The following WNT9A variants were observed in gnomAD, a reference collection of about 807,000 sequenced individuals.
WNT9A encodes Wnt family member 9A.
In WNT9A, 8 loss-of-function variants were observed where a neutral mutation model predicts 31.4. The ratio of observed to expected loss-of-function variants is 0.26; its 90% confidence interval spans 0.15 to 0.46. The LOEUF (loss-of-function observed/expected upper bound fraction) is 0.46, where lower values mean the gene tolerates loss of function less well. Ranked by LOEUF, WNT9A falls within the 20% of genes least tolerant of loss-of-function variation. The probability of loss-of-function intolerance (pLI) is 0.99; values close to 1 mark genes in which losing one functional copy is unlikely to be tolerated. For synonymous variants in WNT9A, 236 were observed against 220.1 expected (o/e 1.07, Z -0.64); for missense variants, 457 against 522.9 (o/e 0.87, Z 1.23).
In WNT9A at chr1:227,942,168, G is replaced by T. The variant is rs1301420046; in HGVS notation, c.95+5625C>A. On this transcript the variant is annotated intron_variant, in intron 1 of 3. Transcript: ENST00000272164. This position sits in a 1 kb window ranked among gnomAD's most constrained non-coding sequence, Gnocchi z 5.7. Reference sequence around the variant, plus strand: ...CTGCAGCAGGGCGGGAGCAAGATGAGGCCAGCTGTCTCCCCAACCAGACGT... The same window carrying T: ...CTGCAGCAGGGCGGGAGCAAGATGATGCCAGCTGTCTCCCCAACCAGACGT... Among the ~76,000 whole-genome samples the T allele has an allele frequency of 6.6e-6, 1 of 152,152 alleles. No homozygotes were observed. Among genetic ancestry groups the T allele is most frequent in the Non-Finnish European group, 1.5e-5 (1 of 68,012 alleles).
chr1:227,944,236 C>T (rs1043850878), intron 1 of WNT9A, among the ~76,000 whole-genome samples: 2 of 152,124 alleles, frequency 1.3e-5, no homozygotes, highest in African/African-American at 4.8e-5. Context: ...CGTGCTACAA[C>T]GGTGATGCTG....
Position 227,926,557 on chromosome 1 carries a change from C to T in WNT9A, c.96-1038G>A, listed in dbSNP as rs1224179262. Among the ~76,000 whole-genome samples the T allele has an allele frequency of 2.6e-5, 4 of 152,266 alleles. No homozygotes were observed. In the East Asian group the frequency reaches 7.8e-4, roughly 30 times the overall value. ...GCAGCTCTGTGTCAGACCTGCCAGC[C>T]CAGTGTCCCCACATGGGTGGACTGA... On this transcript the variant is annotated intron_variant, in intron 1 of 3. Coordinates refer to ENST00000272164, the MANE Select transcript of WNT9A (RefSeq NM_003395.4). The surrounding 1 kb of genome is among the most constrained non-coding windows in gnomAD (Gnocchi z 5.0).
rs1012729366 is a variant in WNT9A at position 227,925,196 on chromosome 1, G to A, written c.352+67C>T. 48 of 1,445,430 alleles carry A rather than the reference G, an allele frequency of 3.3e-5. No individual in the cohort carries two copies. The Admixed American group carries it at 6.7e-4, about 20-fold the overall frequency. 89.5% of individuals were successfully genotyped at this position (1,445,430 alleles called of 1,614,324 possible). A position where few individuals can be genotyped will look rare whatever the true frequency, so the allele number is the denominator to read the frequency against. On this transcript the variant is annotated intron_variant, in intron 2 of 3. Transcript: ENST00000272164. The surrounding 1 kb of genome is among the most constrained non-coding windows in gnomAD (Gnocchi z 6.0). The stretch of plus-strand genomic sequence containing the variant: ...GCGCAGCCTAAGAGGGGCCTCTTGG[G>A]ATATGGACAAGGCCTGGGCTGCCAC...
intron 2 of WNT9A, 117 bp from the exon 3 acceptor site, chr1:227,924,517 C>G: frequency 7.1e-7 from 1 of 1,408,166 alleles, no homozygotes; most frequent in East Asian, 2.5e-5. Flanking sequence ...GAGCATCTTT[C>G]CTGGTGCTGC....
chr1:227,930,921 C>T (rs1462945171), intron 1 of WNT9A, among the ~76,000 whole-genome samples: 2 of 152,000 alleles, frequency 1.3e-5, no homozygotes, highest in African/African-American at 4.8e-5. Context: ...CTCGCTTGAA[C>T]CCGGGAGGCA....
chr1:227,923,459 T>C lies in WNT9A; in HGVS notation c.615+679A>G, dbSNP rs117375444. The stretch of plus-strand genomic sequence containing the variant: ...CATGTGGACCTGGGCACTGACAGGC[T>C]GCAGGTAGCATGAAGGATGACCAGA... On this transcript the variant is annotated intron_variant, in intron 3 of 3. Coordinates refer to ENST00000272164, the MANE Select transcript of WNT9A (RefSeq NM_003395.4). Among the ~76,000 whole-genome samples, 674 of 152,276 alleles carry C rather than the reference T, an allele frequency of 4.4e-3. 18 individuals carry two copies. The highest frequency in any genetic ancestry group is 0.039 in the East Asian group (203 of 5,172).
At chr1:227,935,808 T>C (rs1240395715) in intron 1 of WNT9A, among the ~76,000 whole-genome samples, 3 of 152,238 alleles carry the variant, frequency 2.0e-5, no homozygotes, top group Non-Finnish European at 2.9e-5. Flanking sequence ...TTTTTTGTAA[T>C]TTCCACAGTC....
In WNT9A at chr1:227,925,663, G is replaced by A; in HGVS notation, c.96-144C>T. The A allele has an allele frequency of 1.5e-6, 2 of 1,318,870 alleles. No individual in the cohort carries two copies. Among genetic ancestry groups the A allele is most frequent in the Non-Finnish European group, 2.0e-6 (2 of 999,072 alleles). The allele number at this position is 1,318,870 out of a possible 1,614,324, so 81.7% of individuals were successfully genotyped here. On this transcript the variant is annotated intron_variant, in intron 1 of 3. Transcript: ENST00000272164. The surrounding 1 kb of genome is among the most constrained non-coding windows in gnomAD (Gnocchi z 6.0). ...AAAGAATCCAGGATGAGCCAGGCAG[G>A]GGAGAGGGAGGCGAGAAGGGCCTTG...
intron 3 of WNT9A, 29 bp from the exon 4 acceptor site, chr1:227,922,029 G>A: frequency 6.3e-7 from 1 of 1,575,016 alleles, no homozygotes; most frequent in Non-Finnish European, 8.6e-7. Flanking sequence ...AGGGAGGGCA[G>A]TGTGAGGGCT....
chr1:227,940,048 C>T (rs1479363699), intron 1 of WNT9A, among the ~76,000 whole-genome samples: 1 of 152,202 alleles, frequency 6.6e-6, no homozygotes, highest in Non-Finnish European at 1.5e-5. Flanking sequence ...GAAGCATCCT[C>T]GGGCCTGAGA....
chr1:227,921,213 C>G lies in WNT9A; in HGVS notation c.*305G>C. On this transcript the variant is annotated 3_prime_UTR_variant, in exon 4 of 4. Coordinates refer to ENST00000272164, the MANE Select transcript of WNT9A (RefSeq NM_003395.4). ...CCTCACACCGTGTGCAATGCCTGTG[C>G]CATGTGCAGCAGGGCTGACTGGGCC... 2.5e-6 allele frequency: 1 copy of G among 397,372 alleles called. No homozygotes were observed. The highest frequency in any genetic ancestry group is 3.9e-5 in the Admixed American group (1 of 25,836). The allele number at this position is 397,372 out of a possible 1,614,324, so 24.6% of individuals were successfully genotyped here.
chr1:227,943,809 T>C (rs1288508290), intron 1 of WNT9A, among the ~76,000 whole-genome samples: 1 of 152,064 alleles, frequency 6.6e-6, no homozygotes, highest in Admixed American at 6.5e-5. Context: ...ACCCCATCTC[T>C]ACAAAAAATA....
At chr1:227,936,989 C>T (rs962872471) in intron 1 of WNT9A, among the ~76,000 whole-genome samples, 11 of 152,174 alleles carry the variant, frequency 7.2e-5, no homozygotes, top group African/African-American at 2.4e-4. Flanking sequence ...CCCGTGTCAC[C>T]GAGGTGTCCT....
rs893730559 is a variant in WNT9A at position 227,921,641 on chromosome 1, G to T, written c.975C>A (p.Gly325=). The T allele has an allele frequency of 6.2e-7, 1 of 1,613,380 alleles. No homozygotes were observed. Among genetic ancestry groups the T allele is most frequent in the South Asian group, 1.1e-5 (1 of 91,078 alleles). ...CCCGGCTCTGTGTGTTATGGCCGCGGCCACAGCAGATGCTCTCGCAGTTCT... is the reference window on the plus strand; with the variant it reads ...CCCGGCTCTGTGTGTTATGGCCGCGTCCACAGCAGATGCTCTCGCAGTTCT... The part of the protein sequence containing the change: ...REKNCESICC[G]RGHNTQSRVV... The change falls in exon 4 of 4, where the codon GGC becomes GGA. Residue 325 remains glycine, a synonymous_variant. Coordinates refer to ENST00000272164, the MANE Select transcript of WNT9A (RefSeq NM_003395.4).
rs563905955 is a variant in WNT9A at position 227,939,705 on chromosome 1, C to T, written c.95+8088G>A. 2.1e-3 allele frequency among the ~76,000 whole-genome samples: 318 copies of T among 152,344 alleles called. 1 individual carries two copies. The highest frequency in any genetic ancestry group is 2.9e-3 in the Non-Finnish European group (197 of 68,038). Reference sequence around the variant, plus strand: ...CACCCTGACCGGGACCCAGCTTTCTCCCCCAGGCTGGGGCAGAGGGAGAAG... The same window carrying T: ...CACCCTGACCGGGACCCAGCTTTCTTCCCCAGGCTGGGGCAGAGGGAGAAG... On this transcript the variant is annotated intron_variant, in intron 1 of 3. Transcript: ENST00000272164.
intron 1 of WNT9A, among the ~76,000 whole-genome samples, chr1:227,935,837 T>C (rs1666585963): frequency 6.6e-6 from 1 of 152,230 alleles, no homozygotes; most frequent in African/African-American, 2.4e-5. Context: ...TGCTATACCA[T>C]GTGTCTGTGA....
At chr1:227,945,906 C>A (rs1338470725) in intron 1 of WNT9A, among the ~76,000 whole-genome samples, 1 of 152,210 alleles carries the variant, frequency 6.6e-6, no homozygotes, top group Non-Finnish European at 1.5e-5. Flanking sequence ...AGGATGCCCC[C>A]CCAGCCCCTG....
At chr1:227,924,937 A>G (rs1254831028) in intron 2 of WNT9A, among the ~76,000 whole-genome samples, 1 of 152,158 alleles carries the variant, frequency 6.6e-6, no homozygotes, top group Non-Finnish European at 1.5e-5. Flanking sequence ...GAGTCTGCAC[A>G]GGCATAGCCC....
chr1:227,919,530 T>G lies in WNT9A; in HGVS notation c.*1988A>C, dbSNP rs1191732404. 6.6e-6 allele frequency: 1 copy of G among 151,978 alleles called. No homozygotes were observed. Among genetic ancestry groups the G allele is most frequent in the African/African-American group, 2.4e-5 (1 of 41,320 alleles). The allele number at this position is 151,978 out of a possible 1,614,324, so 9.4% of individuals were successfully genotyped here. A position where few individuals can be genotyped will look rare whatever the true frequency, so the allele number is the denominator to read the frequency against. The stretch of plus-strand genomic sequence containing the variant: ...TTAGGGCTCTGAGACACCTATTCAC[T>G]CAGTAGTTCCTGTATCCATACCAGC... On this transcript the variant is annotated 3_prime_UTR_variant, in exon 4 of 4. Coordinates refer to ENST00000272164, the MANE Select transcript of WNT9A (RefSeq NM_003395.4).
Sources: gnomAD v4.1 joint callset for allele counts (sites outside exome capture counted in the v4.1 genomes callset) on GRCh38, gnomAD v4.1.1 for gene constraint, Gnocchi (gnomAD v3.1) non-coding constraint, MANE v1.5 for transcripts, NCBI Gene and HGNC (gene_info 2026-07-23, HGNC 2026-07-21) for gene names.